The following SERPINA4 variants were observed in gnomAD, a reference collection of about 807,000 sequenced individuals.
The protein encoded by SERPINA4 is serpin family A member 4.
A neutral mutation model predicts 25.4 loss-of-function variants in SERPINA4; 24 were observed. That is an observed-to-expected ratio of 0.95 (90% CI 0.69 to 1.33). SERPINA4 has a LOEUF of 1.33. Among genes scored for constraint, SERPINA4 ranks in the 40% most tolerant of loss-of-function variants. The pLI, the probability that SERPINA4 is intolerant of heterozygous loss-of-function variation, is 0.00. For missense variants in SERPINA4, 553 were observed against 535.8 expected (o/e 1.03, Z -0.32); for synonymous variants, 242 against 223.6 (o/e 1.08, Z -0.73).
chr14:94,562,924 G>A (rs1902072282), intron 1 of SERPINA4, among the ~76,000 whole-genome samples: 1 of 152,168 alleles, frequency 6.6e-6, no homozygotes, highest in South Asian at 2.1e-4. Flanking sequence ...GGGTGGGAGG[G>A]TCAAACTAAA....
chr14:94,563,783 A>G lies in SERPINA4; in HGVS notation c.301A>G (p.Ile101Val), dbSNP rs1443218729. ...GGCCTGCTCACACAGCCGCAGCCAG[A>G]TCCTTGAGGGCCTGGGCTTCAACCT... Reference protein sequence around the residue: ...LGACSHSRSQILEGLGFNLTE... With the variant: ...LGACSHSRSQVLEGLGFNLTE... Residue 101 changes from isoleucine to valine, a missense_variant, in exon 2 of 5, where the codon ATC becomes GTC. Transcript: ENST00000557004. 1.2e-6 allele frequency: 2 copies of G among 1,613,978 alleles called. No individual in the cohort carries two copies. The highest frequency in any genetic ancestry group is 2.7e-5 in the African/African-American group (2 of 74,916).
rs888628255 is a variant in SERPINA4 at position 94,561,752 on chromosome 14, C to T, written c.-18+258C>T. 2.3e-6 allele frequency: 3 copies of T among 1,289,660 alleles called. No homozygotes were observed. The African/African-American group carries it at 4.6e-5, about 20-fold the overall frequency. 79.9% of individuals were successfully genotyped at this position (1,289,660 alleles called of 1,614,324 possible). A position where few individuals can be genotyped will look rare whatever the true frequency, so the allele number is the denominator to read the frequency against. ...CCCAGAAAAGCCTCCCCCAGGGACA[C>T]ACAGCTGGTACAGGGCGGCACTGAC... is the stretch of plus-strand genomic sequence containing the variant. On this transcript the variant is annotated intron_variant, in intron 1 of 4. Transcript: ENST00000557004.
intron 4 of SERPINA4, 90 bp from the exon 5 acceptor site, chr14:94,569,305 A>G (rs2139908968): frequency 8.3e-7 from 1 of 1,207,762 alleles, no homozygotes; most frequent in Non-Finnish European, 1.2e-6. Context: ...TATGTGCAAT[A>G]TTATTCCCTA....
Position 94,563,926 on chromosome 14 carries a change from C to A in SERPINA4, c.444C>A (p.Asn148Lys). Residue 148 changes from asparagine (N) to lysine (K), a missense_variant, in exon 2 of 5, where the codon AAC (asparagine) becomes AAA (lysine). By Grantham distance (94) the Asn-to-Lys change is moderately conservative. Transcript: ENST00000557004. ...RVGSALFLSH[N>K]LKFLAKFLND... is the part of the protein sequence containing the mutation. ...GCAGTGCTCTGTTCCTGAGCCACAA[C>A]CTGAAGTTCCTTGCAAAATTCCTGA... 6.2e-7 allele frequency: 1 copy of A among 1,614,214 alleles called. No individual in the cohort carries two copies. The highest frequency in any genetic ancestry group is 8.5e-7 in the Non-Finnish European group (1 of 1,180,052).
Position 94,567,116 on chromosome 14 carries a change from C to G in SERPINA4, c.796C>G (p.Leu266Val), listed in dbSNP as rs1250664511. 18 of 1,614,046 alleles carry G rather than the reference C, an allele frequency of 1.1e-5. No individual in the cohort carries two copies. Among genetic ancestry groups the G allele is most frequent in the Non-Finnish European group, 1.5e-5 (18 of 1,180,046 alleles). Residue 266 changes from leucine to valine, a missense_variant, in exon 3 of 5, where the codon CTA becomes GTA. Transcript: ENST00000557004. ...LHDRYLPCSVLRMDYKGDATV... is the reference protein window; with the variant it reads ...LHDRYLPCSVVRMDYKGDATV... ...TGACAGATACTTGCCCTGCTCGGTG[C>G]TACGGATGGATTACAAAGGAGACGC...
chr14:94,569,298 G>T, intron 4 of SERPINA4, 97 bp from the exon 5 acceptor site: 1 of 1,120,866 alleles, frequency 8.9e-7, no homozygotes, highest in East Asian at 2.5e-5. Context: ...AGGCTGTTAT[G>T]TGCAATATTA....
chr14:94,569,207 T>C (rs1327224174), intron 4 of SERPINA4, among the ~76,000 whole-genome samples, 188 bp from the exon 5 acceptor site: 2 of 152,188 alleles, frequency 1.3e-5, no homozygotes, highest in African/African-American at 2.4e-5. Flanking sequence ...GCTACCATGA[T>C]TGTGTGTGGC....
At chr14:94,568,108 C>G (rs760264105) in intron 3 of SERPINA4, 21 bp from the exon 4 acceptor site, 1 of 1,613,676 alleles carries the variant, frequency 6.2e-7, no homozygotes, top group East Asian at 2.2e-5. Flanking sequence ...ATCTAATGTT[C>G]TAACTCAATG....
rs1902231844 is a variant in SERPINA4 at position 94,566,953 on chromosome 14, T to C, written c.650-17T>C. On this transcript the variant is annotated splice_polypyrimidine_tract_variant and intron_variant, in intron 2 of 4. Transcript: ENST00000557004. The stretch of plus-strand genomic sequence containing the variant: ...GGCCTGCAGATGTCCTGTACCTTCT[T>C]TTCATCTTCCCTTCAGCCCTGTGGG... The C allele has an allele frequency of 1.2e-6, 2 of 1,605,042 alleles. No individual in the cohort carries two copies. Among genetic ancestry groups the C allele is most frequent in the Non-Finnish European group, 1.7e-6 (2 of 1,174,606 alleles).
In SERPINA4 at chr14:94,568,996, G is replaced by C. The variant is rs536393567; in HGVS notation, c.1084-399G>C. Among the ~76,000 whole-genome samples, 6 of 152,276 alleles carry C rather than the reference G, an allele frequency of 3.9e-5. No individual in the cohort carries two copies. In the South Asian group the frequency reaches 1.2e-3, roughly 32 times the overall value. ...AGACTCAAGACTTCTGATAAGAAAA[G>C]TGCACGAGGGGGTAGAGCCTTGGGT... On this transcript the variant is annotated intron_variant, in intron 4 of 4. Transcript: ENST00000557004.
In SERPINA4 at chr14:94,563,544, A is replaced by G. The variant is rs1902093227; in HGVS notation, c.62A>G (p.Gln21Arg). ...LVGLLALSHG[Q>R]LHVEHDGESC... ...GGACTACTGGCCCTTTCTCATGGCC[A>G]GCTGCACGTTGAGCATGATGGTGAG... Residue 21 changes from glutamine to arginine, a missense_variant, in exon 2 of 5, where the codon CAG becomes CGG. Transcript: ENST00000557004. 2 of 1,614,080 alleles carry G rather than the reference A, an allele frequency of 1.2e-6. No homozygotes were observed. The highest frequency in any genetic ancestry group is 1.1e-5 in the South Asian group (1 of 91,088).
chr14:94,564,275 T>C (rs997977761), intron 2 of SERPINA4, 144 bp downstream of exon 2: 5 of 778,100 alleles, frequency 6.4e-6, no homozygotes, highest in Middle Eastern at 2.4e-4. Context: ...GGGAATGCAA[T>C]GTGAGAATGT....
rs757246165 is a variant in SERPINA4, at chr14:94,568,231, C to T, written c.1026C>T (p.Phe342=). 9 of 1,614,238 alleles carry T rather than the reference C, an allele frequency of 5.6e-6. No individual in the cohort carries two copies. The highest frequency in any genetic ancestry group is 7.6e-6 in the Non-Finnish European group (9 of 1,180,040). The part of the protein sequence containing the change: ...ILPRLGFTDL[F]SKWADLSGIT... ...CCAGGCTGGGCTTCACGGATCTGTT[C>T]TCCAAGTGGGCTGACTTATCCGGCA... is the stretch of plus-strand genomic sequence containing the variant. Residue 342 remains phenylalanine (F), a synonymous_variant, in exon 4 of 5, where the codon TTC becomes TTT. Transcript: ENST00000557004.
intron 1 of SERPINA4, among the ~76,000 whole-genome samples, chr14:94,562,251 T>C (rs1310549895): frequency 6.6e-6 from 1 of 152,152 alleles, no homozygotes; most frequent in Non-Finnish European, 1.5e-5. Flanking sequence ...AGAGACTGTG[T>C]GGTCTGCAAA....
Position 94,564,085 on chromosome 14 carries a change from C to G in SERPINA4, c.603C>G (p.Leu201=). 6.2e-7 allele frequency: 1 copy of G among 1,604,066 alleles called. No homozygotes were observed. Among genetic ancestry groups the G allele is most frequent in the Non-Finnish European group, 8.5e-7 (1 of 1,179,984 alleles). The change falls in exon 2 of 5, where the codon CTC becomes CTG. Residue 201 remains leucine (L), a synonymous_variant. Coordinates refer to ENST00000557004, the MANE Select transcript of SERPINA4 (RefSeq NM_006215.4). Reference sequence around the variant, plus strand: ...AGATTGTGGATTTGGTCAGTGAGCTCAAGAAGGACGTCTTGATGGTGCTGG... The same window carrying G: ...AGATTGTGGATTTGGTCAGTGAGCTGAAGAAGGACGTCTTGATGGTGCTGG... ...RGKIVDLVSE[L]KKDVLMVLVN... is the part of the protein sequence containing the mutation.
At chr14:94,561,845 G>A in intron 1 of SERPINA4, 1 of 1,289,844 alleles carries the variant, frequency 7.8e-7, no homozygotes, top group Non-Finnish European at 1.0e-6. Flanking sequence ...GGGGAGGTGT[G>A]TCTGTGAGTG....
chr14:94,563,378 C>A, intron 1 of SERPINA4, 88 bp from the exon 2 acceptor site: 1 of 1,384,744 alleles, frequency 7.2e-7, no homozygotes. Flanking sequence ...CACTCACGAT[C>A]TCCGGGTGCT....
At position 94,567,671 on chromosome 14, in the gene SERPINA4, T is replaced by C. The variant is rs79895316; in HGVS notation, c.923+428T>C. 6.8e-3 allele frequency among the ~76,000 whole-genome samples: 1,030 copies of C among 152,302 alleles called. 14 individuals carry two copies. The highest frequency in any genetic ancestry group is 0.023 in the African/African-American group (945 of 41,564). ...AGGCTTCCCATCACTCTGGTTATGATTGGAAAAAGTCTTCAACCATATATA... is the reference window on the plus strand; with the variant it reads ...AGGCTTCCCATCACTCTGGTTATGACTGGAAAAAGTCTTCAACCATATATA... On this transcript the variant is annotated intron_variant, in intron 3 of 4. Transcript: ENST00000557004.
rs1902234445 is a variant in SERPINA4, at chr14:94,567,011, A to G, written c.691A>G (p.Lys231Glu). Residue 231 changes from lysine (K) to glutamate (E), a missense_variant, in exon 3 of 5, where the codon AAA (lysine) becomes GAA (glutamate). Coordinates refer to ENST00000557004, the MANE Select transcript of SERPINA4 (RefSeq NM_006215.4). Reference protein sequence around the residue: ...KPFISSRTTPKDFYVDENTTV... With the variant: ...KPFISSRTTPEDFYVDENTTV... ...ATTCATTTCCTCAAGGACCACTCCC[A>G]AAGACTTCTATGTTGATGAGAACAC... 1.2e-6 allele frequency: 2 copies of G among 1,614,192 alleles called. No homozygotes were observed. The highest frequency in any genetic ancestry group is 1.7e-6 in the Non-Finnish European group (2 of 1,180,032).
Sources: gnomAD v4.1 joint callset for allele counts (sites outside exome capture counted in the v4.1 genomes callset) on GRCh38, gnomAD v4.1.1 for gene constraint, MANE v1.5 for transcripts, NCBI Gene and HGNC (gene_info 2026-07-23, HGNC 2026-07-21) for gene names.